Variants in KCNQ1 observed in about 807,000 individuals in gnomAD.
The protein encoded by KCNQ1 is potassium voltage-gated channel subfamily Q member 1.
Under a neutral mutation model 72.4 loss-of-function variants are expected in KCNQ1, and 49 were observed. The ratio of observed to expected loss-of-function variants is 0.68; its 90% CI spans 0.54 to 0.86. The LOEUF (loss-of-function observed/expected upper bound fraction) is 0.86. Ranked by LOEUF, KCNQ1 falls within the 40% of genes least tolerant of loss-of-function variation. The probability of loss-of-function intolerance (pLI) is 0.00; values close to 1 mark genes in which losing one functional copy is unlikely to be tolerated. For synonymous variants in KCNQ1, 450 were observed against 412.6 expected (o/e 1.09, Z -1.10); for missense variants, 790 against 945.1 (o/e 0.84, Z 2.15).
At chr11:2,511,607 G>A (rs868314496) in intron 1 of KCNQ1, among the ~76,000 whole-genome samples, 5 of 152,188 alleles carry the variant, frequency 3.3e-5, no homozygotes, top group East Asian at 1.9e-4. Flanking sequence ...CCTGTTGGGC[G>A]GGACTGAGGA....
chr11:2,737,424 T>C (rs1416839123), intron 11 of KCNQ1, among the ~76,000 whole-genome samples: 1 of 152,174 alleles, frequency 6.6e-6, no homozygotes, highest in African/African-American at 2.4e-5. Context: ...GGAGGCCTGC[T>C]GGATGCCCGC....
intron 2 of KCNQ1, among the ~76,000 whole-genome samples, chr11:2,542,448 A>G (rs1847843539): frequency 6.6e-6 from 1 of 152,264 alleles, no homozygotes; most frequent in Non-Finnish European, 1.5e-5. Flanking sequence ...CAAACAAAAA[A>G]TCAGCTTTGT....
At chr11:2,778,818 G>A (rs1042850922) in intron 15 of KCNQ1, among the ~76,000 whole-genome samples, 1 of 152,224 alleles carries the variant, frequency 6.6e-6, no homozygotes, top group Non-Finnish European at 1.5e-5. Flanking sequence ...TCTGCCGCCC[G>A]GTTTCCCTGG....
intron 11 of KCNQ1, among the ~76,000 whole-genome samples, chr11:2,719,176 G>T (rs1851159851): frequency 6.9e-6 from 1 of 145,768 alleles, no homozygotes; most frequent in African/African-American, 2.5e-5. Flanking sequence ...TCTCTCATTG[G>T]GGGTAACAAT....
At position 2,492,280 on chromosome 11, in the gene KCNQ1, A is replaced by G. The variant is rs1161759410; in HGVS notation, c.387-35648A>G. Among the ~76,000 whole-genome samples, 2 of 152,358 alleles carry G rather than the reference A, an allele frequency of 1.3e-5. No homozygotes were observed. Among genetic ancestry groups the G allele is most frequent in the South Asian group, 4.1e-4 (2 of 4,828 alleles). On this transcript the variant is annotated intron_variant, in intron 1 of 15. Transcript: ENST00000155840. This position sits in a 1 kb window ranked among gnomAD's most constrained non-coding sequence, Gnocchi z 4.1. ...ATGACTACAACAACTTTTGCGGTAC[A>G]ATAGGCAGTACAATAAGATATAGAG... is the stretch of plus-strand genomic sequence containing the variant.
intron 2 of KCNQ1, among the ~76,000 whole-genome samples, chr11:2,530,917 C>T (rs749786617): frequency 6.9e-4 from 105 of 152,280 alleles, no homozygotes; most frequent in Non-Finnish European, 1.4e-3. Context: ...CTGCCTGTCC[C>T]ATCCCTCACG....
intron 11 of KCNQ1, among the ~76,000 whole-genome samples, chr11:2,718,250 T>C (rs1289558754): frequency 6.6e-6 from 1 of 152,210 alleles, no homozygotes; most frequent in East Asian, 1.9e-4. Flanking sequence ...TTGTGCTTGC[T>C]CTGGGCTTCA....
chr11:2,772,309 T>C lies in KCNQ1; in HGVS notation c.1590+3390T>C, dbSNP rs946454783. Reference sequence around the variant, plus strand: ...TCTGCCTACCTTGCTGGCTGATAAGTCCTTGGCCAACCACCCCTGTGTCTG... The same window carrying C: ...TCTGCCTACCTTGCTGGCTGATAAGCCCTTGGCCAACCACCCCTGTGTCTG... On this transcript the variant is annotated intron_variant, in intron 12 of 15. Coordinates refer to ENST00000155840, the MANE Select transcript of KCNQ1 (RefSeq NM_000218.3). The surrounding 1 kb of genome is among the most constrained non-coding windows in gnomAD (Gnocchi z 6.6). Among the ~76,000 whole-genome samples the C allele has an allele frequency of 2.0e-5, 3 of 151,992 alleles. No homozygotes were observed. Among genetic ancestry groups the C allele is most frequent in the African/African-American group, 2.4e-5 (1 of 41,368 alleles).
At chr11:2,596,991 A>C (rs1329583523) in intron 10 of KCNQ1, among the ~76,000 whole-genome samples, 1 of 152,174 alleles carries the variant, frequency 6.6e-6, no homozygotes, top group African/African-American at 2.4e-5. Context: ...GGCTAATTTA[A>C]TTGCTATATA....
At chr11:2,797,142 G>A (rs778568373) in intron 15 of KCNQ1, among the ~76,000 whole-genome samples, 14 of 149,418 alleles carry the variant, frequency 9.4e-5, no homozygotes, top group South Asian at 2.1e-4. Context: ...CCTCGATGCC[G>A]GCCGCTCCGG....
At chr11:2,797,243 C>G (rs1002636451) in intron 15 of KCNQ1, among the ~76,000 whole-genome samples, 1 of 152,148 alleles carries the variant, frequency 6.6e-6, no homozygotes, top group African/African-American at 2.4e-5. Flanking sequence ...AGCGCTGGCC[C>G]CAGCCCCCAG....
In KCNQ1 at chr11:2,601,355, A is replaced by G. The variant is rs1032362923; in HGVS notation, c.1393+12501A>G. The stretch of plus-strand genomic sequence containing the variant: ...ATTCAGATCTTTTGCCCGTTTAAAA[A>G]AATGAGACTTTCAAGCTTTTTATTT... On this transcript the variant is annotated intron_variant, in intron 10 of 15. Transcript: ENST00000155840. The surrounding 1 kb of genome is among the most constrained non-coding windows in gnomAD (Gnocchi z 5.2). Among the ~76,000 whole-genome samples the G allele has an allele frequency of 6.6e-6, 1 of 152,242 alleles. No homozygotes were observed. The highest frequency in any genetic ancestry group is 1.9e-4 in the East Asian group (1 of 5,200).
chr11:2,587,735 C>T (rs565524064), intron 9 of KCNQ1, 43 bp downstream of exon 9: 4 of 1,613,004 alleles, frequency 2.5e-6, no homozygotes, highest in South Asian at 2.2e-5. Flanking sequence ...TTCTTGCTAG[C>T]AGGTGGGGAG....
At position 2,498,123 on chromosome 11, in the gene KCNQ1, T is replaced by C. The variant is rs1846951686; in HGVS notation, c.387-29805T>C. Among the ~76,000 whole-genome samples, 1 of 152,078 alleles carries C rather than the reference T, an allele frequency of 6.6e-6. No homozygotes were observed. The highest frequency in any genetic ancestry group is 6.6e-5 in the Admixed American group (1 of 15,266). ...GTGTCTGTTGACCCCTGTTGGGAGGTCTTGCCTGCTCAGGAGGCATGGGGC... is the reference window on the plus strand; with the variant it reads ...GTGTCTGTTGACCCCTGTTGGGAGGCCTTGCCTGCTCAGGAGGCATGGGGC... On this transcript the variant is annotated intron_variant, in intron 1 of 15. Coordinates refer to ENST00000155840, the MANE Select transcript of KCNQ1 (RefSeq NM_000218.3). This position sits in a 1 kb window ranked among gnomAD's most constrained non-coding sequence, Gnocchi z 4.8.
chr11:2,490,812 C>T (rs1846824784), intron 1 of KCNQ1, among the ~76,000 whole-genome samples: 1 of 152,220 alleles, frequency 6.6e-6, no homozygotes, highest in South Asian at 2.1e-4. Context: ...CCTCAGTCTC[C>T]TGAGTAGCTA....
intron 11 of KCNQ1, chr11:2,665,593 AC>A (rs1564850821): frequency 5.1e-6 from 2 of 389,272 alleles, no homozygotes; most frequent in South Asian, 2.7e-4. Flanking sequence ...TGCTCAGTAA[AC>A]CCCCCAGGAC....
At chr11:2,461,818 C>A in intron 1 of KCNQ1, 3 of 877,312 alleles carry the variant, frequency 3.4e-6, no homozygotes, top group South Asian at 1.5e-5. Flanking sequence ...GGGTGGACAG[C>A]TGGATAGATG....
Position 2,659,431 on chromosome 11 carries a change from C to G in KCNQ1, c.1394-2530C>G, listed in dbSNP as rs1784943828. ...GATTCATCCATGTTGTTGCATAAATCATTAGTTAATTTCTTTTTATTGCTG... is the reference window on the plus strand; with the variant it reads ...GATTCATCCATGTTGTTGCATAAATGATTAGTTAATTTCTTTTTATTGCTG... On this transcript the variant is annotated intron_variant, in intron 10 of 15. Transcript: ENST00000155840. This position sits in a 1 kb window ranked among gnomAD's most constrained non-coding sequence, Gnocchi z 4.3. 1 of 398,464 alleles carries G rather than the reference C, an allele frequency of 2.5e-6. No individual in the cohort carries two copies. The highest frequency in any genetic ancestry group is 4.4e-6 in the Non-Finnish European group (1 of 226,032). The allele number at this position is 398,464 out of a possible 1,614,324, so 24.7% of individuals were successfully genotyped here.
intron 15 of KCNQ1, among the ~76,000 whole-genome samples, chr11:2,798,536 T>G (rs1847188600): frequency 6.9e-6 from 1 of 144,514 alleles, no homozygotes; most frequent in African/African-American, 2.7e-5. Context: ...GGCAAAATTA[T>G]GCCGAGTTCC....
Sources: gnomAD v4.1 joint callset for allele counts (sites outside exome capture counted in the v4.1 genomes callset) on GRCh38, gnomAD v4.1.1 for gene constraint, Gnocchi (gnomAD v3.1) non-coding constraint, MANE v1.5 for transcripts, NCBI Gene and HGNC (gene_info 2026-07-23, HGNC 2026-07-21) for gene names.